The following CAMTA1 variants were observed in gnomAD, a reference collection of about 807,000 sequenced individuals.
CAMTA1 encodes calmodulin-binding transcription activator 1.
A neutral mutation model predicts 170.9 loss-of-function variants in CAMTA1; 27 were observed. That is an observed-to-expected ratio of 0.16 (90% CI 0.12 to 0.22). The LOEUF (loss-of-function observed/expected upper bound fraction) is 0.22. Among genes scored for constraint, CAMTA1 ranks in the 10% least tolerant of loss-of-function variants. CAMTA1 has a pLI of 1.00. For synonymous variants in CAMTA1, 833 were observed against 891.5 expected, an observed-to-expected ratio of 0.93 and a Z score of 1.17; for missense variants, 1,619 against 2,217.2, an observed-to-expected ratio of 0.73 and a Z score of 5.42.
intron 1 of CAMTA1, among the ~76,000 whole-genome samples, chr1:6,805,131 T>G (rs1214452241): frequency 1.3e-5 from 2 of 152,260 alleles, no homozygotes; most frequent in Non-Finnish European, 1.5e-5. Context: ...TAGATCATAT[T>G]ACATTCCCAC....
intron 3 of CAMTA1, among the ~76,000 whole-genome samples, chr1:6,909,050 T>TA (rs2149260646): frequency 6.6e-6 from 1 of 152,362 alleles, no homozygotes; most frequent in East Asian, 1.9e-4. Flanking sequence ...ATAATCCTTT[T>TA]AAAAATTTTT....
At chr1:7,071,459 AATT>A (rs778847648) in intron 3 of CAMTA1, among the ~76,000 whole-genome samples, 2 of 152,150 alleles carry the variant, frequency 1.3e-5, no homozygotes, top group South Asian at 2.1e-4. Context: ...TTGTGTTTTT[AATT>A]ATTATTTTAA....
intron 3 of CAMTA1, among the ~76,000 whole-genome samples, chr1:6,972,932 AC>A: frequency 6.6e-6 from 1 of 151,800 alleles, no homozygotes; most frequent in African/African-American, 2.4e-5. Context: ...GCTCACGGTA[AC>A]CCCCGCCTCC....
chr1:7,140,367 A>G (rs1645821169), intron 4 of CAMTA1, among the ~76,000 whole-genome samples: 1 of 152,184 alleles, frequency 6.6e-6, no homozygotes, highest in African/African-American at 2.4e-5. Flanking sequence ...TGCACATAAC[A>G]TTAATAGTGA....
In CAMTA1 at chr1:7,191,328, G is replaced by A. The variant is rs561128688; in HGVS notation, c.303-58163G>A. Among the ~76,000 whole-genome samples the A allele has an allele frequency of 1.1e-4, 16 of 152,344 alleles. No homozygotes were observed. The South Asian group carries it at 2.5e-3, about 24-fold the overall frequency. Reference sequence around the variant, plus strand: ...GAATTCTCTAATTCTGGATATAAGCGTTCTATTGATTTCCCTCTGCACATG... The same window carrying A: ...GAATTCTCTAATTCTGGATATAAGCATTCTATTGATTTCCCTCTGCACATG... On this transcript the variant is annotated intron_variant, in intron 4 of 22. Transcript: ENST00000303635.
At chr1:6,923,904 G>C (rs1682549884) in intron 3 of CAMTA1, among the ~76,000 whole-genome samples, 1 of 152,174 alleles carries the variant, frequency 6.6e-6, no homozygotes, top group East Asian at 1.9e-4. Context: ...ACAGCTCTTG[G>C]CAAAAGGAAG....
At chr1:7,075,755 G>C (rs563530745) in intron 3 of CAMTA1, among the ~76,000 whole-genome samples, 1 of 151,064 alleles carries the variant, frequency 6.6e-6, no homozygotes, top group Non-Finnish European at 1.5e-5. Flanking sequence ...CTCCACCTCC[G>C]GAGTTCAAGT....
chr1:6,904,249 C>G (rs1677773650), intron 3 of CAMTA1, among the ~76,000 whole-genome samples: 1 of 152,192 alleles, frequency 6.6e-6, no homozygotes, highest in Admixed American at 6.5e-5. Context: ...CTTTTCAGCC[C>G]TCATCCTTCC....
intron 3 of CAMTA1, among the ~76,000 whole-genome samples, chr1:6,849,656 A>G (rs1659621621): frequency 6.6e-6 from 1 of 151,780 alleles, no homozygotes; most frequent in African/African-American, 2.4e-5. Context: ...TATATTTAGT[A>G]TATGATAAAG....
chr1:7,311,233 T>G (rs925725718), intron 5 of CAMTA1, among the ~76,000 whole-genome samples: 1 of 152,244 alleles, frequency 6.6e-6, no homozygotes, highest in Admixed American at 6.5e-5. Context: ...TCTTCTAATA[T>G]TCCAATAACA....
At chr1:7,499,028 G>A (rs1246816126) in intron 6 of CAMTA1, among the ~76,000 whole-genome samples, 10 of 146,476 alleles carry the variant, frequency 6.8e-5, no homozygotes, top group Admixed American at 2.0e-4. Context: ...CCATGAGTGA[G>A]TGTGTAGAGA....
chr1:6,845,995 T>G (rs1294972170), intron 3 of CAMTA1, among the ~76,000 whole-genome samples: 2 of 152,112 alleles, frequency 1.3e-5, no homozygotes, highest in Non-Finnish European at 2.9e-5. Flanking sequence ...GACGAGAGAA[T>G]GTGCAGGGGA....
At chr1:7,048,763 T>G (rs929243095) in intron 3 of CAMTA1, among the ~76,000 whole-genome samples, 2 of 152,178 alleles carry the variant, frequency 1.3e-5, no homozygotes, top group African/African-American at 4.8e-5. Context: ...TGCACCGCAC[T>G]CAGGTGTAAG....
At chr1:7,022,242 A>G (rs1201961338) in intron 3 of CAMTA1, among the ~76,000 whole-genome samples, 1 of 152,140 alleles carries the variant, frequency 6.6e-6, no homozygotes, top group East Asian at 1.9e-4. Flanking sequence ...TTCCTCCCTC[A>G]GCCACTTATG....
intron 5 of CAMTA1, among the ~76,000 whole-genome samples, chr1:7,467,391 G>A (rs1382160680): frequency 1.3e-5 from 2 of 152,192 alleles, no homozygotes; most frequent in Admixed American, 6.5e-5. Context: ...GCCAGGAAAG[G>A]TCTGTAGCAT....
intron 5 of CAMTA1, among the ~76,000 whole-genome samples, chr1:7,264,088 G>C (rs548126434): frequency 5.9e-5 from 9 of 152,298 alleles, no homozygotes; most frequent in Middle Eastern, 3.4e-3. Flanking sequence ...TGTCTCCTCT[G>C]GGAGGGGCCC....
chr1:7,194,621 C>T (rs1655168693), intron 4 of CAMTA1, among the ~76,000 whole-genome samples: 1 of 152,164 alleles, frequency 6.6e-6, no homozygotes, highest in African/African-American at 2.4e-5. Context: ...TGCTGTTTTA[C>T]AGCGATACTT....
intron 5 of CAMTA1, among the ~76,000 whole-genome samples, chr1:7,295,927 C>G (rs1297625766): frequency 6.6e-6 from 1 of 152,218 alleles, no homozygotes; most frequent in African/African-American, 2.4e-5. Context: ...TCTGCTGATC[C>G]TCCCACTCAG....
intron 6 of CAMTA1, among the ~76,000 whole-genome samples, chr1:7,511,598 G>A (rs539894556): frequency 6.6e-6 from 1 of 152,196 alleles, no homozygotes; most frequent in Admixed American, 6.5e-5. Context: ...CCACATCCCG[G>A]GGTCCAGCAG....
Sources: allele counts gnomAD v4.1 joint callset (sites outside exome capture counted in the v4.1 genomes callset), GRCh38; gene constraint gnomAD v4.1.1; transcripts MANE v1.5; gene names NCBI Gene and HGNC (gene_info 2026-07-23, HGNC 2026-07-21).